MARCHF11: variants seen among roughly 807,000 people sequenced by gnomAD.
The protein encoded by MARCHF11 is E3 ubiquitin-protein ligase MARCHF11.
MARCHF11 carries 29 observed loss-of-function variants against 37.3 expected under a neutral mutation model. The ratio of observed to expected loss-of-function variants is 0.78; its 90% CI spans 0.58 to 1.06. The LOEUF is 1.06. Among genes scored for constraint, MARCHF11 ranks in the 50% least tolerant of loss-of-function variants. MARCHF11 has a pLI of 0.00. For missense variants in MARCHF11, 482 were observed against 533.4 expected, an observed-to-expected ratio of 0.90 and a Z score of 0.95; for synonymous variants, 233 against 228.0, an observed-to-expected ratio of 1.02 and a Z score of -0.20.
intron 2 of MARCHF11, among the ~76,000 whole-genome samples, chr5:16,156,868 G>A (rs1737985300): frequency 6.6e-6 from 1 of 151,806 alleles, no homozygotes; most frequent in Non-Finnish European, 1.5e-5. Flanking sequence ...AATTGTATGT[G>A]TGTATCTAAA....
chr5:16,106,162 T>C (rs1432835999), intron 2 of MARCHF11, among the ~76,000 whole-genome samples: 2 of 152,036 alleles, frequency 1.3e-5, no homozygotes, highest in African/African-American at 4.8e-5. Context: ...TTGGGAGATA[T>C]AAAAGTCTGA....
At chr5:16,078,048 C>T (rs1208788549) in intron 3 of MARCHF11, among the ~76,000 whole-genome samples, 1 of 152,202 alleles carries the variant, frequency 6.6e-6, no homozygotes, top group African/African-American at 2.4e-5. Context: ...AATAGCTTCA[C>T]TTTATTGTTT....
At chr5:16,084,932 C>T (rs1736670763) in intron 3 of MARCHF11, among the ~76,000 whole-genome samples, 2 of 151,874 alleles carry the variant, frequency 1.3e-5, no homozygotes, top group Admixed American at 1.3e-4. Flanking sequence ...AAAAGAGCCT[C>T]AAGAGAGATA....
At chr5:16,160,780 T>C (rs1195849225) in intron 2 of MARCHF11, among the ~76,000 whole-genome samples, 4 of 151,912 alleles carry the variant, frequency 2.6e-5, no homozygotes, top group African/African-American at 9.7e-5. Flanking sequence ...CAAAGCTTTT[T>C]AAGTAAATGG....
intron 3 of MARCHF11, among the ~76,000 whole-genome samples, chr5:16,070,704 A>C (rs909956114): frequency 6.6e-6 from 1 of 152,256 alleles, no homozygotes; most frequent in African/African-American, 2.4e-5. Context: ...AGGTCTTTAT[A>C]GTACATTTTG....
intron 2 of MARCHF11, among the ~76,000 whole-genome samples, chr5:16,174,739 G>A (rs557506893): frequency 1.4e-4 from 21 of 152,304 alleles, no homozygotes; most frequent in African/African-American, 3.6e-4. Context: ...GATATGTGCT[G>A]ATCTACCCGG....
intron 2 of MARCHF11, among the ~76,000 whole-genome samples, chr5:16,143,774 G>A (rs1276530219): frequency 6.6e-6 from 1 of 152,234 alleles, no homozygotes; most frequent in East Asian, 1.9e-4. Context: ...GTGGCATGGA[G>A]CAGAGGTACA....
intron 3 of MARCHF11, among the ~76,000 whole-genome samples, chr5:16,084,419 G>C (rs1053335938): frequency 6.6e-6 from 1 of 152,120 alleles, no homozygotes; most frequent in South Asian, 2.1e-4. Flanking sequence ...GAGGCAGGCG[G>C]GTCACTTGAG....
At chr5:16,079,929 G>A (rs1736579343) in intron 3 of MARCHF11, among the ~76,000 whole-genome samples, 1 of 152,024 alleles carries the variant, frequency 6.6e-6, no homozygotes, top group Non-Finnish European at 1.5e-5. Context: ...TCAGTCCCAG[G>A]GACATCAAGC....
intron 2 of MARCHF11, among the ~76,000 whole-genome samples, chr5:16,125,287 T>C (rs1737383294): frequency 7.0e-6 from 1 of 143,508 alleles, no homozygotes; most frequent in Admixed American, 6.9e-5. Flanking sequence ...AGCCAATCTG[T>C]ATATTAAACA....
intron 2 of MARCHF11, among the ~76,000 whole-genome samples, chr5:16,149,242 A>C (rs1737851445): frequency 6.6e-6 from 1 of 152,114 alleles, no homozygotes; most frequent in Non-Finnish European, 1.5e-5. Context: ...TTCTCAGAAA[A>C]TCACCACTGC....
In MARCHF11 at chr5:16,154,533, T is replaced by C. The variant is rs984376840; in HGVS notation, c.693+23193A>G. On this transcript the variant is annotated intron_variant, in intron 2 of 3. Transcript: ENST00000332432. ...GTAACTGTGTGATGATCTGTTCATG[T>C]CTATCTCCCAATTACATTGTAAGTT... 4.6e-5 allele frequency among the ~76,000 whole-genome samples: 7 copies of C among 151,910 alleles called. No individual in the cohort carries two copies. In the South Asian group the frequency reaches 1.2e-3, roughly 27 times the overall value.
Position 16,179,341 on chromosome 5 carries a change from C to A in MARCHF11, c.235G>T (p.Ala79Ser). Reference protein sequence around the residue: ...LGEVAPRCRGADELPPPPLPL... With the variant: ...LGEVAPRCRGSDELPPPPLPL... ...AGGGGCGGAGGCGGCAGCTCGTCCG[C>A]TCCCCTGCACCGCGGGGCCACCTCC... Residue 79 changes from alanine (A) to serine (S), a missense_variant, in exon 1 of 4, where the codon GCG (alanine) becomes TCG (serine). Transcript: ENST00000332432. 1 of 1,196,290 alleles carries A rather than the reference C, an allele frequency of 8.4e-7. No homozygotes were observed. The highest frequency in any genetic ancestry group is 3.7e-5 in the East Asian group (1 of 27,182). The allele number at this position is 1,196,290 out of a possible 1,614,324, so 74.1% of individuals were successfully genotyped here.
At chr5:16,105,581 G>A (rs1432270514) in intron 2 of MARCHF11, among the ~76,000 whole-genome samples, 1 of 152,096 alleles carries the variant, frequency 6.6e-6, no homozygotes, top group Non-Finnish European at 1.5e-5. Context: ...CCCAGCCCTG[G>A]CCAGAACACC....
intron 3 of MARCHF11, among the ~76,000 whole-genome samples, chr5:16,072,017 T>G (rs1736447725): frequency 6.6e-6 from 1 of 152,120 alleles, no homozygotes; most frequent in Non-Finnish European, 1.5e-5. Context: ...TGGAGTGCAG[T>G]GACGTGATCT....
intron 2 of MARCHF11, among the ~76,000 whole-genome samples, chr5:16,151,482 C>T (rs1024609211): frequency 6.6e-6 from 1 of 151,766 alleles, no homozygotes; most frequent in Admixed American, 6.6e-5. Context: ...CTCATAGGCC[C>T]CAAATCCTTT....
chr5:16,082,953 G>T (rs1005819138), intron 3 of MARCHF11, among the ~76,000 whole-genome samples: 1 of 144,228 alleles, frequency 6.9e-6, no homozygotes, highest in African/African-American at 2.9e-5. Context: ...GGTGAATGCT[G>T]GCTGACCTGT....
intron 2 of MARCHF11, among the ~76,000 whole-genome samples, chr5:16,161,197 C>A: frequency 9.0e-6 from 1 of 110,986 alleles, no homozygotes; most frequent in East Asian, 3.3e-4. Context: ...CCCCCCACCC[C>A]AGAAAGGTTT....
At chr5:16,151,649 A>ATTTGTGTG (rs1491435333) in intron 2 of MARCHF11, among the ~76,000 whole-genome samples, 2 of 131,498 alleles carry the variant, frequency 1.5e-5, no homozygotes, top group Non-Finnish European at 1.6e-5. Flanking sequence ...CGTGAGTTGA[A>ATTTGTGTG]TGTGTGTGTG....
Sources: gnomAD v4.1 joint callset for allele counts (sites outside exome capture counted in the v4.1 genomes callset) on GRCh38, gnomAD v4.1.1 for gene constraint, MANE v1.5 for transcripts, NCBI Gene and HGNC (gene_info 2026-07-23, HGNC 2026-07-21) for gene names.